Variants in PRKG1 observed in about 807,000 individuals in gnomAD.
The protein encoded by PRKG1 is cGMP-dependent protein kinase 1.
PRKG1 carries 35 observed loss-of-function variants against 88.1 expected under a neutral mutation model. The ratio of observed to expected loss-of-function variants is 0.40; its 90% CI spans 0.30 to 0.53. The LOEUF (loss-of-function observed/expected upper bound fraction) is 0.53, where lower values mean the gene tolerates loss of function less well. Ranked by LOEUF, PRKG1 falls within the 20% of genes least tolerant of loss-of-function variation. PRKG1 has a pLI of 0.59. For missense variants in PRKG1, 540 were observed against 839.8 expected (o/e 0.64, Z 4.41); for synonymous variants, 303 against 292.5 (o/e 1.04, Z -0.37).
Position 51,448,666 on chromosome 10 carries a change from T to G in PRKG1, c.479-19057T>G, listed in dbSNP as rs149420567. On this transcript the variant is annotated intron_variant, in intron 2 of 17. Coordinates refer to ENST00000373980, the MANE Select transcript of PRKG1 (RefSeq NM_006258.4). ...ATCTTCTTGGTGCACTGAAAGCATGTCCCTGTTTGATATATACCAATGATT... is the reference window on the plus strand; with the variant it reads ...ATCTTCTTGGTGCACTGAAAGCATGGCCCTGTTTGATATATACCAATGATT... Among the ~76,000 whole-genome samples the G allele has an allele frequency of 1.8e-4, 27 of 152,154 alleles. No homozygotes were observed. In the East Asian group the frequency reaches 5.2e-3, roughly 30 times the overall value.
chr10:51,306,269 T>G (rs961013733), intron 2 of PRKG1, among the ~76,000 whole-genome samples: 4 of 152,182 alleles, frequency 2.6e-5, no homozygotes, highest in African/African-American at 9.7e-5. Context: ...TTGACTTACA[T>G]TTGGGGCTTC....
chr10:51,218,489 T>TCA (rs1239142910), intron 2 of PRKG1, among the ~76,000 whole-genome samples: 2 of 53,430 alleles, frequency 3.7e-5, no homozygotes, highest in East Asian at 1.1e-3. Flanking sequence ...TCATCTATCT[T>TCA]CATATATATA....
intron 5 of PRKG1, among the ~76,000 whole-genome samples, chr10:51,959,058 C>A (rs1409079533): frequency 6.6e-6 from 1 of 152,222 alleles, no homozygotes; most frequent in East Asian, 1.9e-4. Flanking sequence ...AATTACACTA[C>A]CTTGCTCAAA....
chr10:51,797,062 AC>A (rs1839031113), intron 3 of PRKG1, among the ~76,000 whole-genome samples: 1 of 151,966 alleles, frequency 6.6e-6, no homozygotes, highest in South Asian at 2.1e-4. Context: ...ATGGAGTAAA[AC>A]AAGCTTTTAT....
intron 7 of PRKG1, among the ~76,000 whole-genome samples, chr10:52,113,478 G>A (rs1354868992): frequency 6.6e-6 from 1 of 151,910 alleles, no homozygotes; most frequent in Non-Finnish European, 1.5e-5. Context: ...CTTTTCAAAT[G>A]AATTTTGAAT....
chr10:51,259,766 G>A (rs575018181), intron 2 of PRKG1, among the ~76,000 whole-genome samples: 96 of 152,166 alleles, frequency 6.3e-4, no homozygotes, highest in African/African-American at 2.1e-3. Flanking sequence ...ATGAGCCACC[G>A]CGCCTGGCCC....
intron 1 of PRKG1, among the ~76,000 whole-genome samples, chr10:51,047,751 G>T (rs1843508858): frequency 6.6e-6 from 1 of 151,886 alleles, no homozygotes; most frequent in Non-Finnish European, 1.5e-5. Flanking sequence ...CATTGTGCTT[G>T]CCATATTTGT....
Position 51,698,293 on chromosome 10 carries a change from C to T in PRKG1, c.593-106292C>T, listed in dbSNP as rs768087095. ...AGACCTCAGTTTCCATGGCACGAGT[C>T]TCCATCGCTCGAGAATCTCTACCAC... is the stretch of plus-strand genomic sequence containing the variant. On this transcript the variant is annotated intron_variant, in intron 3 of 17. Transcript: ENST00000373980. 19 of 1,614,150 alleles carry T rather than the reference C, an allele frequency of 1.2e-5. No individual in the cohort carries two copies. The Admixed American group carries it at 2.7e-4, about 23-fold the overall frequency.
chr10:51,380,428 T>C (rs927770212), intron 2 of PRKG1, among the ~76,000 whole-genome samples: 2 of 152,152 alleles, frequency 1.3e-5, no homozygotes, highest in African/African-American at 2.4e-5. Context: ...GATTTTTTTG[T>C]TTCTATTTTG....
chr10:51,983,432 A>C (rs1469829165), intron 5 of PRKG1, among the ~76,000 whole-genome samples: 1 of 152,136 alleles, frequency 6.6e-6, no homozygotes, highest in Non-Finnish European at 1.5e-5. Context: ...AAGACCTATG[A>C]TGTGGGCCCC....
intron 2 of PRKG1, among the ~76,000 whole-genome samples, chr10:51,162,514 A>G (rs1846389868): frequency 6.6e-6 from 1 of 152,220 alleles, no homozygotes; most frequent in South Asian, 2.1e-4. Flanking sequence ...TGGTATTAAA[A>G]TCAATCTGAG....
At chr10:52,223,295 G>A (rs1312096967) in intron 9 of PRKG1, among the ~76,000 whole-genome samples, 2 of 151,992 alleles carry the variant, frequency 1.3e-5, no homozygotes, top group Admixed American at 6.6e-5. Flanking sequence ...AGTGACCTCC[G>A]ACTTCTGAAA....
chr10:51,013,474 T>G (rs1047909483), intron 1 of PRKG1, among the ~76,000 whole-genome samples: 3 of 152,182 alleles, frequency 2.0e-5, no homozygotes, highest in Non-Finnish European at 4.4e-5. Context: ...CACCACAACC[T>G]TCACCTCTTG....
intron 9 of PRKG1, among the ~76,000 whole-genome samples, chr10:52,199,247 TGTATTATCCTCCCTATC>T (rs1839593361): frequency 6.6e-6 from 1 of 152,196 alleles, no homozygotes; most frequent in Non-Finnish European, 1.5e-5. Context: ...AGGTACTTAA[TGTATTATCCTCCCTATC>T]GTATTATCCT....
chr10:51,343,174 A>T (rs2132550470), intron 2 of PRKG1, among the ~76,000 whole-genome samples: 1 of 152,286 alleles, frequency 6.6e-6, no homozygotes, highest in East Asian at 1.9e-4. Flanking sequence ...TAGATCAGTA[A>T]CTCAACTCAT....
At chr10:51,456,106 G>C (rs1445469230) in intron 2 of PRKG1, among the ~76,000 whole-genome samples, 1 of 152,196 alleles carries the variant, frequency 6.6e-6, no homozygotes, top group Non-Finnish European at 1.5e-5. Flanking sequence ...AGTGAAGGAA[G>C]AGCAAAGTCG....
intron 3 of PRKG1, chr10:51,697,211 A>T (rs1317361944): frequency 6.4e-6 from 1 of 155,058 alleles, no homozygotes; most frequent in Non-Finnish European, 1.4e-5. Context: ...TTGCCTCCAA[A>T]ATAGGATTTT....
In PRKG1 at chr10:51,679,243, G is replaced by A. The variant is rs183967966; in HGVS notation, c.593-125342G>A. On this transcript the variant is annotated intron_variant, in intron 3 of 17. Transcript: ENST00000373980. ...AGTCAGTAGTCTCGCAAAAGGACCT[G>A]TTTTACACTCAGGGTTCCTAAGAAG... 2.7e-3 allele frequency among the ~76,000 whole-genome samples: 409 copies of A among 152,240 alleles called. 2 individuals carry two copies. Among genetic ancestry groups the A allele is most frequent in the African/African-American group, 8.7e-3 (362 of 41,552 alleles).
At chr10:51,014,763 A>G (rs1220551665) in intron 1 of PRKG1, among the ~76,000 whole-genome samples, 1 of 152,232 alleles carries the variant, frequency 6.6e-6, no homozygotes, top group Non-Finnish European at 1.5e-5. Flanking sequence ...TTATGTGTCA[A>G]TTAAATTTTT....
Sources: gnomAD v4.1 joint callset for allele counts (sites outside exome capture counted in the v4.1 genomes callset) on GRCh38, gnomAD v4.1.1 for gene constraint, MANE v1.5 for transcripts, NCBI Gene and HGNC (gene_info 2026-07-23, HGNC 2026-07-21) for gene names.